The following COL26A1 variants were observed in gnomAD, a reference collection of about 807,000 sequenced individuals.
The protein encoded by COL26A1 is collagen alpha-1(XXVI) chain.
A neutral mutation model predicts 59.3 loss-of-function variants in COL26A1; 41 were observed. That is an observed-to-expected ratio of 0.69 (90% CI 0.54 to 0.90). The LOEUF (loss-of-function observed/expected upper bound fraction) is 0.90. COL26A1 is among the 40% of genes least tolerant of loss of function. COL26A1 has a pLI of 0.00. For missense variants in COL26A1, 612 were observed against 602.3 expected, an observed-to-expected ratio of 1.02 and a Z score of -0.17; for synonymous variants, 266 against 256.0, an observed-to-expected ratio of 1.04 and a Z score of -0.37.
At chr7:101,379,661 G>T (rs1203687322) in intron 1 of COL26A1, among the ~76,000 whole-genome samples, 1 of 152,162 alleles carries the variant, frequency 6.6e-6, no homozygotes, top group Non-Finnish European at 1.5e-5. Flanking sequence ...TAAGTCACAG[G>T]GCGAGATAGG....
In COL26A1 at chr7:101,502,714, G is replaced by A. The variant is rs545977235; in HGVS notation, c.386-30368G>A. ...ATTGGGAGCCCCCTCATCTGACCCA[G>A]TGTGGGTGGGTGGCTCAGCCCATGG... On this transcript the variant is annotated intron_variant, in intron 3 of 12. Coordinates refer to ENST00000313669, the MANE Select transcript of COL26A1 (RefSeq NM_001278563.3). Among the ~76,000 whole-genome samples the A allele has an allele frequency of 5.9e-5, 9 of 152,346 alleles. No homozygotes were observed. In the East Asian group the frequency reaches 1.7e-3, roughly 29 times the overall value.
rs140655354 is a variant in COL26A1 at position 101,451,926 on chromosome 7, C to T, written c.385+4139C>T. Among the ~76,000 whole-genome samples, 298 of 152,144 alleles carry T rather than the reference C, an allele frequency of 2.0e-3. 1 individual carries two copies. Among genetic ancestry groups the T allele is most frequent in the Middle Eastern group, 6.8e-3 (2 of 294 alleles). On this transcript the variant is annotated intron_variant, in intron 3 of 12. Transcript: ENST00000313669. ...TTCACCATTTTGGCCAGGCTGGTCT[C>T]GAACTCCCGGCCTCAGGTGATCTGC...
chr7:101,532,764 A>G (rs113751661), intron 3 of COL26A1, among the ~76,000 whole-genome samples: 8,239 of 152,166 alleles, frequency 0.054, 357 homozygotes, highest in African/African-American at 0.12. Context: ...TGTGCCAGTC[A>G]CTGAGATTCA....
chr7:101,489,788 T>C (rs1391260497), intron 3 of COL26A1, among the ~76,000 whole-genome samples: 136 of 2,328 alleles, frequency 0.058, 19 homozygotes, highest in Non-Finnish European at 0.089. Context: ...CTTTCTTTCT[T>C]TCTTTCTTTC....
At chr7:101,387,757 TATATATATATATATATATATA>T (rs1791619659) in intron 1 of COL26A1, among the ~76,000 whole-genome samples, 1 of 49,576 alleles carries the variant, frequency 2.0e-5, no homozygotes, top group South Asian at 6.4e-4. Context: ...TATATATTTA[TATATATATATATATATATATA>T]TTTTTTTTTA....
chr7:101,528,710 G>A (rs1018232832), intron 3 of COL26A1, among the ~76,000 whole-genome samples: 10 of 152,014 alleles, frequency 6.6e-5, no homozygotes, highest in African/African-American at 2.4e-4. Flanking sequence ...ACCATGCCTG[G>A]CTAACTTTTG....
chr7:101,367,992 CCTT>C (rs1791091133), intron 1 of COL26A1, among the ~76,000 whole-genome samples: 3 of 152,112 alleles, frequency 2.0e-5, no homozygotes, highest in Non-Finnish European at 4.4e-5. Context: ...CCACTGTCTC[CCTT>C]CTTTTTGTTG....
intron 1 of COL26A1, among the ~76,000 whole-genome samples, chr7:101,383,489 C>T (rs892000368): frequency 6.6e-6 from 1 of 152,066 alleles, no homozygotes; most frequent in African/African-American, 2.4e-5. Flanking sequence ...GCCTCAGCCT[C>T]CGAAGTAGCT....
chr7:101,533,400 G>C (rs930652716), intron 4 of COL26A1, among the ~76,000 whole-genome samples: 3 of 152,074 alleles, frequency 2.0e-5, no homozygotes. Flanking sequence ...AGGACCCGGG[G>C]GCTGGGAGGC....
Position 101,539,879 on chromosome 7 carries a change from C to T in COL26A1, c.448-14C>T, listed in dbSNP as rs377393066. ...GCCCAACTGGGACCTGACTCTCTAT[C>T]TCCTTTGGCCCAGGTCCTCCTGCTA... On this transcript the variant is annotated splice_polypyrimidine_tract_variant and intron_variant, in intron 4 of 12. Coordinates refer to ENST00000313669, the MANE Select transcript of COL26A1 (RefSeq NM_001278563.3). 34 of 1,605,966 alleles carry T rather than the reference C, an allele frequency of 2.1e-5. No homozygotes were observed. In the African/African-American group the frequency reaches 4.2e-4, roughly 20 times the overall value.
intron 3 of COL26A1, among the ~76,000 whole-genome samples, chr7:101,504,640 G>T (rs755540098): frequency 4.6e-5 from 7 of 152,174 alleles, no homozygotes; most frequent in African/African-American, 1.7e-4. Flanking sequence ...CCATCTCATT[G>T]GTCCTTCTCC....
At chr7:101,518,691 C>G (rs1795080940) in intron 3 of COL26A1, among the ~76,000 whole-genome samples, 1 of 152,208 alleles carries the variant, frequency 6.6e-6, no homozygotes, top group African/African-American at 2.4e-5. Context: ...CCAAGAGAAG[C>G]AATTGAATCG....
At chr7:101,453,461 C>T (rs1212820734) in intron 3 of COL26A1, among the ~76,000 whole-genome samples, 7 of 152,216 alleles carry the variant, frequency 4.6e-5, no homozygotes, top group Admixed American at 4.6e-4. Flanking sequence ...TCACCAGAAA[C>T]ATCTGGAGTT....
Position 101,553,310 on chromosome 7 carries a change from G to GT in COL26A1, c.1030-15dup. The GT allele has an allele frequency of 6.2e-7, 1 of 1,613,306 alleles. No homozygotes were observed. Among genetic ancestry groups the GT allele is most frequent in the Admixed American group, 1.7e-5 (1 of 59,990 alleles). On this transcript the variant is annotated splice_polypyrimidine_tract_variant and intron_variant, in intron 10 of 12. Transcript: ENST00000313669. ...CACCTCCCGTTCCAGTGTTGACTGT[G>GT]TGACTTGCTTCTTAGGGTGAACCTG...
intron 2 of COL26A1, among the ~76,000 whole-genome samples, chr7:101,425,340 G>A (rs1792618850): frequency 6.6e-6 from 1 of 152,092 alleles, no homozygotes. Context: ...TGGCCGAATT[G>A]CTCATCGTCT....
At chr7:101,441,998 G>A (rs1295806439) in intron 2 of COL26A1, among the ~76,000 whole-genome samples, 2 of 152,158 alleles carry the variant, frequency 1.3e-5, no homozygotes, top group African/African-American at 2.4e-5. Context: ...ATTAGGGACA[G>A]AGCCCAAATG....
chr7:101,394,830 C>CTGTAG (rs1345837087), intron 1 of COL26A1, among the ~76,000 whole-genome samples: 1 of 147,526 alleles, frequency 6.8e-6, no homozygotes, highest in African/African-American at 2.5e-5. Context: ...TTGGCTGTTG[C>CTGTAG]TGTAGATTTG....
intron 3 of COL26A1, among the ~76,000 whole-genome samples, chr7:101,483,990 AGTGTGTGTGTGTGTGTGTGT>A (rs55863250): frequency 7.8e-6 from 1 of 127,924 alleles, no homozygotes; most frequent in Non-Finnish European, 1.6e-5. Flanking sequence ...AACTTTTTAA[AGTGTGTGTGTGTGTGTGTGT>A]GTGTGTGTGT....
intron 3 of COL26A1, among the ~76,000 whole-genome samples, chr7:101,475,803 TC>T: frequency 1.1e-5 from 1 of 90,478 alleles, no homozygotes; most frequent in Non-Finnish European, 2.0e-5. Context: ...CTTCCTTCCT[TC>T]CTTCTTTCTT....
Sources: allele counts gnomAD v4.1 joint callset (sites outside exome capture counted in the v4.1 genomes callset), GRCh38; gene constraint gnomAD v4.1.1; transcripts MANE v1.5; gene names NCBI Gene and HGNC (gene_info 2026-07-23, HGNC 2026-07-21).